Variants in STAT3 observed in about 807,000 individuals in gnomAD.
STAT3 encodes signal transducer and activator of transcription 3, also known as DNA-binding protein APRF.
Under a neutral mutation model 114.3 loss-of-function variants are expected in STAT3, and 7 were observed. The ratio of observed to expected loss-of-function variants is 0.06; its 90% CI spans 0.03 to 0.11. STAT3 has a LOEUF of 0.11. STAT3 is among the 10% of genes least tolerant of loss of function. STAT3 has a pLI of 1.00. For missense variants in STAT3, 364 were observed against 960.9 expected (o/e 0.38, Z 8.21); for synonymous variants, 331 against 354.5 (o/e 0.93, Z 0.74).
chr17:42,334,163 T>A (rs975893311), intron 8 of STAT3, 114 bp from the exon 9 acceptor site: 1 of 1,234,760 alleles, frequency 8.1e-7, no homozygotes, highest in African/African-American at 1.5e-5. Flanking sequence ...AACAAGGAAT[T>A]TTTTTATTGT....
intron 1 of STAT3, among the ~76,000 whole-genome samples, chr17:42,356,255 T>G (rs182430816): frequency 3.0e-4 from 45 of 151,886 alleles, no homozygotes; most frequent in African/African-American, 1.1e-3. Context: ...AAAAAGAAAA[T>G]AAAAGATAAA....
At chr17:42,362,245 G>C (rs1178243691) in intron 1 of STAT3, among the ~76,000 whole-genome samples, 1 of 152,218 alleles carries the variant, frequency 6.6e-6, no homozygotes, top group Non-Finnish European at 1.5e-5. Flanking sequence ...GGAAAAGCAA[G>C]TAGATATTTA....
chr17:42,364,869 T>C (rs2083694255), intron 1 of STAT3, among the ~76,000 whole-genome samples: 2 of 152,202 alleles, frequency 1.3e-5, no homozygotes, highest in African/African-American at 4.8e-5. Flanking sequence ...GAAGGAAGAT[T>C]CTTTTCTCAA....
chr17:42,342,032 G>C (rs2082462587), intron 4 of STAT3, among the ~76,000 whole-genome samples: 1 of 152,084 alleles, frequency 6.6e-6, no homozygotes, highest in South Asian at 2.1e-4. Context: ...TTTTTATCTT[G>C]TGGAGCAGGA....
intron 1 of STAT3, among the ~76,000 whole-genome samples, chr17:42,381,000 C>T (rs1428931471): frequency 6.6e-6 from 1 of 152,212 alleles, no homozygotes. Context: ...TATGCATCAT[C>T]TTGCTTCATC....
At chr17:42,316,980 C>T in intron 22 of STAT3, 79 bp from the exon 23 acceptor site, 2 of 1,570,128 alleles carry the variant, frequency 1.3e-6, no homozygotes, top group Non-Finnish European at 1.7e-6. Context: ...GAACAAAACA[C>T]ACACACACAA....
chr17:42,357,280 A>T (rs1250747699), intron 1 of STAT3, among the ~76,000 whole-genome samples: 1 of 152,198 alleles, frequency 6.6e-6, no homozygotes, highest in African/African-American at 2.4e-5. Context: ...AAGGAAAAAA[A>T]TGAGAAAAGT....
rs2082713623 is a variant in STAT3, at chr17:42,346,733, T to TA, written c.129-21dup. 1 of 1,613,844 alleles carries TA rather than the reference T, an allele frequency of 6.2e-7. No individual in the cohort carries two copies. Among genetic ancestry groups the TA allele is most frequent in the Non-Finnish European group, 8.5e-7 (1 of 1,180,000 alleles). ...TATGCCCTAGGAAAAGGAAGAATGA[T>TA]AAAGAATGGCTCTGAAGCCGACGCA... On this transcript the variant is annotated intron_variant, in intron 2 of 23. Coordinates refer to ENST00000264657, the MANE Select transcript of STAT3 (RefSeq NM_139276.3).
Position 42,387,149 on chromosome 17 carries a change from G to C in STAT3, c.-24+1130C>G, listed in dbSNP as rs2085149365. On this transcript the variant is annotated intron_variant, in intron 1 of 23. Transcript: ENST00000264657. ...AGTTGCACATACAGTAAGACCAGCA[G>C]GTACACACTATACACATTTTTAATT... The C allele has an allele frequency of 2.0e-5, 3 of 152,058 alleles. No individual in the cohort carries two copies. In the East Asian group the frequency reaches 5.8e-4, roughly 29 times the overall value. The allele number at this position is 152,058 out of a possible 1,614,324, so 9.4% of individuals were successfully genotyped here.
At chr17:42,348,359 A>C (rs1385183613) in intron 2 of STAT3, 30 bp downstream of exon 2, 2 of 1,613,788 alleles carry the variant, frequency 1.2e-6, no homozygotes, top group African/African-American at 2.7e-5. Context: ...GAAACCTAAC[A>C]ATTTGGAGAG....
At chr17:42,386,280 CAA>C (rs61454571) in intron 1 of STAT3, among the ~76,000 whole-genome samples, 42 of 106,154 alleles carry the variant, frequency 4.0e-4, no homozygotes, top group Admixed American at 1.1e-3. Flanking sequence ...GACTCTGACT[CAA>C]AAAAAAAAAA....
intron 21 of STAT3, among the ~76,000 whole-genome samples, chr17:42,319,110 C>T (rs540640214): frequency 7.2e-5 from 11 of 152,200 alleles, no homozygotes; most frequent in East Asian, 3.9e-4. Context: ...CGTGGTGGCA[C>T]GCCTGTAATC....
chr17:42,330,122 C>CTT (rs201637887), intron 11 of STAT3, among the ~76,000 whole-genome samples: 84 of 145,128 alleles, frequency 5.8e-4, no homozygotes, highest in African/African-American at 1.9e-3. Flanking sequence ...TTTCTTTTTT[C>CTT]TTTTTTTTTT....
chr17:42,359,199 T>G (rs1024793911), intron 1 of STAT3, among the ~76,000 whole-genome samples: 2 of 152,110 alleles, frequency 1.3e-5, no homozygotes, highest in Admixed American at 6.6e-5. Context: ...CCTCCCAAAG[T>G]GCTGGGATTA....
intron 21 of STAT3, among the ~76,000 whole-genome samples, chr17:42,319,927 T>C (rs2081402393): frequency 6.6e-6 from 1 of 152,316 alleles, no homozygotes. Flanking sequence ...TCCTTTCTCC[T>C]GATGAGTGCC....
intron 1 of STAT3, among the ~76,000 whole-genome samples, chr17:42,359,775 A>C (rs1397766244): frequency 6.6e-6 from 1 of 152,148 alleles, no homozygotes; most frequent in Non-Finnish European, 1.5e-5. Context: ...ATTTTAAGTG[A>C]TTTGGCCGGG....
At chr17:42,362,756 TGTAA>T (rs1249488859) in intron 1 of STAT3, among the ~76,000 whole-genome samples, 1 of 152,206 alleles carries the variant, frequency 6.6e-6, no homozygotes. Context: ...GCGTGCAGCA[TGTAA>T]GTGTTTGTAC....
intron 4 of STAT3, 150 bp from the exon 5 acceptor site, chr17:42,339,559 G>T: frequency 1.3e-6 from 1 of 756,602 alleles, no homozygotes; most frequent in Non-Finnish European, 2.3e-6. Context: ...AGGCAGTGGT[G>T]CTGTCACTAC....
chr17:42,314,734 T>A lies in STAT3; in HGVS notation c.*1011A>T. ...TCCTATTTCAACACCAAAGGCCAGGTTGCAGCTTCAGATGTCTTAAGGGTT... is the reference window on the plus strand; with the variant it reads ...TCCTATTTCAACACCAAAGGCCAGGATGCAGCTTCAGATGTCTTAAGGGTT... On this transcript the variant is annotated 3_prime_UTR_variant, in exon 24 of 24. Transcript: ENST00000264657. 4.6e-6 allele frequency: 1 copy of A among 219,758 alleles called. No homozygotes were observed. The highest frequency in any genetic ancestry group is 9.1e-6 in the Non-Finnish European group (1 of 109,398). 13.6% of individuals were successfully genotyped at this position (219,758 alleles called of 1,614,324 possible). A position where few individuals can be genotyped will look rare whatever the true frequency, so the allele number is the denominator to read the frequency against.
Sources: allele counts gnomAD v4.1 joint callset (sites outside exome capture counted in the v4.1 genomes callset), GRCh38; gene constraint gnomAD v4.1.1; transcripts MANE v1.5; gene names NCBI Gene and HGNC (gene_info 2026-07-23, HGNC 2026-07-21).